Variants in GCN1 observed in about 807,000 individuals in gnomAD.
The protein encoded by GCN1 is GCN1 activator of EIF2AK4, also known as stalled ribosome sensor GCN1.
A neutral mutation model predicts 288.4 loss-of-function variants in GCN1; 90 were observed. That is an observed-to-expected ratio of 0.31 (90% CI 0.26 to 0.37). The LOEUF is 0.37. Ranked by LOEUF, GCN1 falls within the 10% of genes least tolerant of loss-of-function variation. GCN1 has a pLI of 1.00. For synonymous variants in GCN1, 1,386 were observed against 1,420.2 expected (o/e 0.98, Z 0.54); for missense variants, 2,586 against 3,419.9 (o/e 0.76, Z 6.08).
chr12:120,165,843 A>G (rs1386263743), intron 16 of GCN1, among the ~76,000 whole-genome samples: 1 of 149,950 alleles, frequency 6.7e-6, no homozygotes, highest in Non-Finnish European at 1.5e-5. Context: ...CCAGGCTGGA[A>G]TACAATGGTG....
At chr12:120,181,106 G>C (rs1266710357) in intron 5 of GCN1, among the ~76,000 whole-genome samples, 1 of 151,958 alleles carries the variant, frequency 6.6e-6, no homozygotes, top group East Asian at 1.9e-4. Context: ...GTTATTCTTT[G>C]CAGAACTGTT....
intron 56 of GCN1, among the ~76,000 whole-genome samples, chr12:120,130,053 A>G (rs1354863677): frequency 6.6e-6 from 1 of 152,026 alleles, no homozygotes; most frequent in Non-Finnish European, 1.5e-5. Context: ...ACTCTTGGGA[A>G]CCTCATTACT....
Position 120,164,512 on chromosome 12 carries a change from A to C in GCN1, c.1689-17T>G. On this transcript the variant is annotated splice_polypyrimidine_tract_variant and intron_variant, in intron 17 of 57. Coordinates refer to ENST00000300648, the MANE Select transcript of GCN1 (RefSeq NM_006836.2). ...TGGTACTGCCTGCAAGCACAGGGAC[A>C]GACAGGTCTGGGGGAAGGCCAAGAG... 6.2e-7 allele frequency: 1 copy of C among 1,612,668 alleles called. No homozygotes were observed. The highest frequency in any genetic ancestry group is 8.5e-7 in the Non-Finnish European group (1 of 1,178,912).
rs376425036 is a variant in GCN1, at chr12:120,142,648, G to A, written c.5688C>T (p.Thr1896=). 26 of 1,613,942 alleles carry A rather than the reference G, an allele frequency of 1.6e-5. No individual in the cohort carries two copies. In the African/African-American group the frequency reaches 2.8e-4, roughly 17 times the overall value. ...GGGACGCCTGCCGCACCACCAGCTG[G>A]GTGTCTGAGCGGCCCATGTACAGCC... ...LAGLYMGRSD[T]QLVVRQASLH... is the part of the protein sequence containing the mutation. The change falls in exon 44 of 58, where the codon ACC becomes ACT. Residue 1896 remains threonine (T), a synonymous_variant. Coordinates refer to ENST00000300648, the MANE Select transcript of GCN1 (RefSeq NM_006836.2). This position sits in a 1 kb window ranked among gnomAD's most constrained non-coding sequence, Gnocchi z 4.9.
At position 120,142,642 on chromosome 12, in the gene GCN1, C is replaced by G. The variant is rs369342369; in HGVS notation, c.5694G>C (p.Leu1898=). The G allele has an allele frequency of 6.2e-7, 1 of 1,613,966 alleles. No individual in the cohort carries two copies. Among genetic ancestry groups the G allele is most frequent in the African/African-American group, 1.3e-5 (1 of 74,946 alleles). The part of the protein sequence containing the change: ...GLYMGRSDTQ[L]VVRQASLHVW... ...CATGCAGGGACGCCTGCCGCACCACCAGCTGGGTGTCTGAGCGGCCCATGT... is the reference window on the plus strand; with the variant it reads ...CATGCAGGGACGCCTGCCGCACCACGAGCTGGGTGTCTGAGCGGCCCATGT... Residue 1898 remains leucine, a synonymous_variant, in exon 44 of 58, where the codon CTG becomes CTC. Transcript: ENST00000300648. This position sits in a 1 kb window ranked among gnomAD's most constrained non-coding sequence, Gnocchi z 4.9.
intron 51 of GCN1, 135 bp downstream of exon 51, chr12:120,136,367 T>C (rs752068234): frequency 1.5e-5 from 10 of 665,958 alleles, no homozygotes; most frequent in Non-Finnish European, 2.6e-5. Context: ...ATGTCTGAAG[T>C]CCAAGGTCTT....
In GCN1 at chr12:120,183,554, A is replaced by T; in HGVS notation, c.426+15T>A. On this transcript the variant is annotated intron_variant, in intron 5 of 57. Coordinates refer to ENST00000300648, the MANE Select transcript of GCN1 (RefSeq NM_006836.2). ...AAAGCTGACCCTTGCTACTTCAGAG[A>T]CACAGGGAACCTACCAGTTTGTTCC... 6.8e-7 allele frequency: 1 copy of T among 1,476,064 alleles called. No individual in the cohort carries two copies. 91.4% of individuals were successfully genotyped at this position (1,476,064 alleles called of 1,614,324 possible).
In GCN1 at chr12:120,190,284, T is replaced by A; in HGVS notation, c.121+14A>T. The A allele has an allele frequency of 7.6e-7, 1 of 1,317,624 alleles. No homozygotes were observed. 81.6% of individuals were successfully genotyped at this position (1,317,624 alleles called of 1,614,324 possible). On this transcript the variant is annotated intron_variant, in intron 2 of 57. Transcript: ENST00000300648. Reference sequence around the variant, plus strand: ...ATGAATATTGTCCAGGGTATGTGGATGAAAAATAAATACCTTTTCCAGCAA... The same window carrying A: ...ATGAATATTGTCCAGGGTATGTGGAAGAAAAATAAATACCTTTTCCAGCAA...
In GCN1 at chr12:120,132,015, G is replaced by A. The variant is rs1274136781; in HGVS notation, c.7325C>T (p.Thr2442Ile). 6.3e-7 allele frequency: 1 copy of A among 1,587,132 alleles called. No homozygotes were observed. The highest frequency in any genetic ancestry group is 1.3e-5 in the African/African-American group (1 of 74,570). ...LSMLGHDEDN[T>I]RISSAGCLGE... Reference sequence around the variant, plus strand: ...TAGGCACCCGGCTGAGGAGATGCGAGTGTTGTCCTGACAGGGAAGAGAAGG... The same window carrying A: ...TAGGCACCCGGCTGAGGAGATGCGAATGTTGTCCTGACAGGGAAGAGAAGG... Residue 2442 changes from threonine to isoleucine, a missense_variant, in exon 54 of 58, where the codon ACT becomes ATT. Physicochemically the swap from Thr to Ile is moderately conservative, Grantham distance 89. This residue lies in a region of GCN1 where 355 missense variants were observed against 431.1 expected (regional missense o/e 0.82). Coordinates refer to ENST00000300648, the MANE Select transcript of GCN1 (RefSeq NM_006836.2).
chr12:120,174,684 A>G (rs756521275), intron 12 of GCN1, among the ~76,000 whole-genome samples: 13 of 151,492 alleles, frequency 8.6e-5, no homozygotes, highest in African/African-American at 2.2e-4. Context: ...CCAGCTACTC[A>G]AGAGGCTGAG....
intron 54 of GCN1, among the ~76,000 whole-genome samples, 181 bp from the exon 55 acceptor site, chr12:120,131,514 TTAAGGAAAG>T (rs1351931879): frequency 1.3e-5 from 2 of 152,182 alleles, no homozygotes; most frequent in African/African-American, 4.8e-5. Flanking sequence ...AAGTGGCACA[TTAAGGAAAG>T]TAAGGAAAGC....
At position 120,184,220 on chromosome 12, in the gene GCN1, A is replaced by C. The variant is rs778443281; in HGVS notation, c.209T>G (p.Leu70Trp). The change falls in exon 4 of 58, where the codon TTG becomes TGG. Residue 70 changes from leucine to tryptophan, a missense_variant. Around this residue, in one of 8 missense-constraint regions of GCN1, gnomAD observed 913 missense variants for 1,107.0 expected, o/e 0.82. Transcript: ENST00000300648. ...AGCCAACTGCTGGATGGCTGCCTGCAAGGCCCTGCGGGAGGCTGCATCTCT... is the reference window on the plus strand; with the variant it reads ...AGCCAACTGCTGGATGGCTGCCTGCCAGGCCCTGCGGGAGGCTGCATCTCT... ...RYRDAASRRA[L>W]QAAIQQLAEA... The C allele has an allele frequency of 6.2e-7, 1 of 1,613,820 alleles. No individual in the cohort carries two copies. Among genetic ancestry groups the C allele is most frequent in the South Asian group, 1.1e-5 (1 of 91,074 alleles).
chr12:120,164,703 T>C lies in GCN1; in HGVS notation c.1631A>G (p.His544Arg), dbSNP rs1878044573. The stretch of plus-strand genomic sequence containing the variant: ...GTCAAGGAAAAGTCTCTCTGTCAGA[T>C]GCAACACAGTACACAGGGCTTGGAG... ...ASEDALCTVLHLTERLFLDHP... is the reference protein window; with the variant it reads ...ASEDALCTVLRLTERLFLDHP... The change falls in exon 17 of 58, where the codon CAT (histidine) becomes CGT (arginine). Residue 544 changes from histidine to arginine, a missense_variant. By Grantham distance (29) the His-to-Arg change is conservative. Transcript: ENST00000300648. The C allele has an allele frequency of 1.9e-6, 3 of 1,612,656 alleles. No individual in the cohort carries two copies. The highest frequency in any genetic ancestry group is 1.7e-5 in the Admixed American group (1 of 59,994).
chr12:120,155,593 T>A lies in GCN1; in HGVS notation c.3439A>T (p.Arg1147Trp), dbSNP rs1454436019. The change falls in exon 29 of 58, where the codon AGG (arginine) becomes TGG (tryptophan). Residue 1147 changes from arginine to tryptophan, a missense_variant and splice_region_variant. Coordinates refer to ENST00000300648, the MANE Select transcript of GCN1 (RefSeq NM_006836.2). This position sits in a 1 kb window ranked among gnomAD's most constrained non-coding sequence, Gnocchi z 4.9. ...AAAGCGACATGCTGGCTCTCTCACCTCTCAGCCAGCTTCCGGATCTCCTCC... is the reference window on the plus strand; with the variant it reads ...AAAGCGACATGCTGGCTCTCTCACCACTCAGCCAGCTTCCGGATCTCCTCC... Reference protein sequence around the residue: ...KEEEIRKLAERLWSMMGLDLQ... With the variant: ...KEEEIRKLAEWLWSMMGLDLQ... 1 of 1,614,024 alleles carries A rather than the reference T, an allele frequency of 6.2e-7. No homozygotes were observed. The highest frequency in any genetic ancestry group is 1.7e-5 in the Admixed American group (1 of 60,018).
intron 15 of GCN1, among the ~76,000 whole-genome samples, chr12:120,169,805 G>A (rs775930661): frequency 3.3e-5 from 5 of 152,170 alleles, no homozygotes; most frequent in Non-Finnish European, 5.9e-5. Flanking sequence ...GAAACTTAAC[G>A]GCTACGGGAA....
intron 2 of GCN1, among the ~76,000 whole-genome samples, chr12:120,190,075 A>C (rs1566322785): frequency 6.6e-6 from 1 of 151,854 alleles, no homozygotes. Context: ...AAATACAAAA[A>C]TTAGGCAGGC....
rs758454103 is a variant in GCN1, at chr12:120,156,438, T to C, written c.3312+23A>G. Reference sequence around the variant, plus strand: ...CATAGAGTGACAAGGGACACTGCAGTGGCTCTGAGACTGAGCACACACCCG... The same window carrying C: ...CATAGAGTGACAAGGGACACTGCAGCGGCTCTGAGACTGAGCACACACCCG... On this transcript the variant is annotated intron_variant, in intron 28 of 57. Coordinates refer to ENST00000300648, the MANE Select transcript of GCN1 (RefSeq NM_006836.2). The surrounding 1 kb of genome is among the most constrained non-coding windows in gnomAD (Gnocchi z 5.8). 1.2e-6 allele frequency: 2 copies of C among 1,609,986 alleles called. No homozygotes were observed. The highest frequency in any genetic ancestry group is 1.7e-6 in the Non-Finnish European group (2 of 1,177,388).
At chr12:120,143,969 A>G (rs2269941) in intron 42 of GCN1, among the ~76,000 whole-genome samples, 37,967 of 152,004 alleles carry the variant, frequency 0.25, 6,259 homozygotes, top group East Asian at 0.56. Context: ...GCAAAGTTCA[A>G]CCCTTTGGAT....
chr12:120,170,114 G>A, intron 15 of GCN1, 55 bp downstream of exon 15: 1 of 1,500,556 alleles, frequency 6.7e-7, no homozygotes, highest in South Asian at 1.1e-5. Context: ...CACCTCCCAA[G>A]GACTCTTGTC....
Sources: gnomAD v4.1 joint callset for allele counts (sites outside exome capture counted in the v4.1 genomes callset) on GRCh38, gnomAD v4.1.1 for gene constraint, gnomAD v4.1.1 regional missense constraint, Gnocchi (gnomAD v3.1) non-coding constraint, MANE v1.5 for transcripts, NCBI Gene and HGNC (gene_info 2026-07-23, HGNC 2026-07-21) for gene names.